JAK1: variants seen among roughly 807,000 people sequenced by gnomAD.
JAK1 encodes the protein Janus kinase 1, also known as tyrosine-protein kinase JAK1.
JAK1 carries 16 observed loss-of-function variants against 136.6 expected under a neutral mutation model. The ratio of observed to expected loss-of-function variants is 0.12; its 90% CI spans 0.08 to 0.18. The LOEUF (loss-of-function observed/expected upper bound fraction) is 0.18, where lower values mean the gene tolerates loss of function less well. JAK1 is among the 10% of genes least tolerant of loss of function. The pLI, the probability that JAK1 is intolerant of heterozygous loss-of-function variation, is 1.00. For synonymous variants in JAK1, 492 were observed against 519.5 expected, an observed-to-expected ratio of 0.95 and a Z score of 0.72; for missense variants, 859 against 1,450.1, an observed-to-expected ratio of 0.59 and a Z score of 6.62.
At chr1:64,913,086 T>C (rs1190856057) in intron 1 of JAK1, among the ~76,000 whole-genome samples, 2 of 152,194 alleles carry the variant, frequency 1.3e-5, no homozygotes, top group Non-Finnish European at 2.9e-5. Context: ...TGGCACAATC[T>C]TGGCTCACTG....
At chr1:65,038,769 G>T (rs1647100624) in intron 2 of JAK1, among the ~76,000 whole-genome samples, 1 of 152,264 alleles carries the variant, frequency 6.6e-6, no homozygotes, top group African/African-American at 2.4e-5. Flanking sequence ...CTCCTGAGTA[G>T]CTGGGATTAC....
chr1:64,928,211 A>G (rs961530571), intron 1 of JAK1, among the ~76,000 whole-genome samples: 3 of 152,224 alleles, frequency 2.0e-5, no homozygotes, highest in African/African-American at 7.2e-5. Flanking sequence ...AGGGAGGGGT[A>G]GCTGGTTCCT....
At chr1:64,959,300 T>G (rs1646243211) in intron 1 of JAK1, among the ~76,000 whole-genome samples, 2 of 152,234 alleles carry the variant, frequency 1.3e-5, no homozygotes, top group South Asian at 4.1e-4. Context: ...GGCCAACTCT[T>G]TGCACACTTT....
At chr1:65,052,511 C>A (rs1244796704) in intron 1 of JAK1, among the ~76,000 whole-genome samples, 1 of 151,884 alleles carries the variant, frequency 6.6e-6, no homozygotes, top group Non-Finnish European at 1.5e-5. Flanking sequence ...AACCCCGCCC[C>A]TACTAAAAAT....
chr1:64,960,065 A>G (rs1646254933), intron 1 of JAK1, among the ~76,000 whole-genome samples: 1 of 152,080 alleles, frequency 6.6e-6, no homozygotes, highest in Non-Finnish European at 1.5e-5. Context: ...CTCTCAACAA[A>G]ACAATTTAAA....
At chr1:64,996,350 G>A (rs1453166365) in intron 2 of JAK1, among the ~76,000 whole-genome samples, 1 of 152,108 alleles carries the variant, frequency 6.6e-6, no homozygotes, top group Non-Finnish European at 1.5e-5. Flanking sequence ...TCAATCCAGT[G>A]TGCACATTCT....
At chr1:64,898,016 T>C (rs1042465785) in intron 1 of JAK1, among the ~76,000 whole-genome samples, 23 of 152,152 alleles carry the variant, frequency 1.5e-4, no homozygotes, top group African/African-American at 5.6e-4. Context: ...AAGAGCTAAT[T>C]TGAATATTCA....
At chr1:64,999,999 T>G (rs1255759560) in intron 2 of JAK1, among the ~76,000 whole-genome samples, 5 of 151,500 alleles carry the variant, frequency 3.3e-5, no homozygotes, top group African/African-American at 7.3e-5. Flanking sequence ...ATAAGTTTTT[T>G]TTTTTTTTTT....
At chr1:64,924,520 G>C (rs1323942317) in intron 1 of JAK1, among the ~76,000 whole-genome samples, 1 of 152,166 alleles carries the variant, frequency 6.6e-6, no homozygotes, top group Non-Finnish European at 1.5e-5. Flanking sequence ...AGGGTCCACT[G>C]CCCCAGCTGT....
intron 17 of JAK1, among the ~76,000 whole-genome samples, chr1:64,843,662 G>C (rs1655046275): frequency 6.6e-6 from 1 of 152,156 alleles, no homozygotes; most frequent in African/African-American, 2.4e-5. Context: ...TTATTTTATA[G>C]TGAACCTCCA....
chr1:65,042,920 T>C (rs1647148403), intron 2 of JAK1, among the ~76,000 whole-genome samples: 1 of 152,106 alleles, frequency 6.6e-6, no homozygotes, highest in Non-Finnish European at 1.5e-5. Flanking sequence ...GTGTAAAGAT[T>C]CTCCTAGTGC....
chr1:64,881,287 A>T (rs189878617), intron 3 of JAK1, among the ~76,000 whole-genome samples: 12 of 123,844 alleles, frequency 9.7e-5, no homozygotes, highest in Admixed American at 5.9e-4. Context: ...TTTTAAATTT[A>T]AAAAAAAGTA....
chr1:64,845,009 C>T, intron 15 of JAK1, 120 bp from the exon 16 acceptor site: 3 of 1,338,884 alleles, frequency 2.2e-6, no homozygotes, highest in Non-Finnish European at 3.1e-6. Context: ...ACAGCCTGGC[C>T]CTGCTGCCAA....
At chr1:64,939,506 A>G (rs1645850420) in intron 1 of JAK1, among the ~76,000 whole-genome samples, 1 of 152,248 alleles carries the variant, frequency 6.6e-6, no homozygotes, top group African/African-American at 2.4e-5. Flanking sequence ...CTGAAGTCAG[A>G]AAAGACTTAC....
rs2100993367 is a variant in JAK1, at chr1:64,844,726, G to A, written c.2251+28C>T. 1 of 1,613,730 alleles carries A rather than the reference G, an allele frequency of 6.2e-7. No homozygotes were observed. Among genetic ancestry groups the A allele is most frequent in the Non-Finnish European group, 8.5e-7 (1 of 1,179,942 alleles). On this transcript the variant is annotated intron_variant, in intron 16 of 24. Transcript: ENST00000342505. The surrounding 1 kb of genome is among the most constrained non-coding windows in gnomAD (Gnocchi z 5.7). ...CTGACTTGCCCCTGACTCGGGGTGG[G>A]GCCAGAGGGAAGAGAGGGGAGACAC... is the stretch of plus-strand genomic sequence containing the variant.
At position 64,869,413 on chromosome 1, in the gene JAK1, C is replaced by T. The variant is rs769329006; in HGVS notation, c.545G>A (p.Gly182Glu). ...TAGACACTCGTTCTCAATATCATGT[C>T]CATCCTGCTCGGTCTTGGGGTCTCG... Reference protein sequence around the residue: ...PIRDPKTEQDGHDIENECLGM... With the variant: ...PIRDPKTEQDEHDIENECLGM... The change falls in exon 6 of 25, where the codon GGA (glycine) becomes GAA (glutamate). Residue 182 changes from glycine to glutamate, a missense_variant. Physicochemically the swap from Gly to Glu is moderately conservative, Grantham distance 98 (BLOSUM62 -2). Around this residue, in one of 4 missense-constraint regions of JAK1, gnomAD observed 353 missense variants for 494.0 expected, o/e 0.71. Transcript: ENST00000342505. 1.2e-6 allele frequency: 2 copies of T among 1,613,834 alleles called. No homozygotes were observed. The highest frequency in any genetic ancestry group is 1.7e-6 in the Non-Finnish European group (2 of 1,179,792).
At chr1:64,903,282 C>T (rs1645140345) in intron 1 of JAK1, among the ~76,000 whole-genome samples, 1 of 152,218 alleles carries the variant, frequency 6.6e-6, no homozygotes, top group Admixed American at 6.5e-5. Context: ...CGGCCTCGGC[C>T]TCCCAAAGTG....
At chr1:64,894,763 C>A (rs1432676594) in intron 1 of JAK1, among the ~76,000 whole-genome samples, 1 of 151,894 alleles carries the variant, frequency 6.6e-6, no homozygotes, top group East Asian at 1.9e-4. Context: ...GGTGTCAGAG[C>A]AAGACTACGT....
intron 2 of JAK1, chr1:64,985,482 C>A: frequency 6.3e-7 from 1 of 1,597,072 alleles, no homozygotes. Context: ...ACTTTCAGGG[C>A]AAAAAGGAAG....
Sources: gnomAD v4.1 joint callset for allele counts (sites outside exome capture counted in the v4.1 genomes callset) on GRCh38, gnomAD v4.1.1 for gene constraint, gnomAD v4.1.1 regional missense constraint, Gnocchi (gnomAD v3.1) non-coding constraint, MANE v1.5 for transcripts, NCBI Gene and HGNC (gene_info 2026-07-23, HGNC 2026-07-21) for gene names.